The following LRP1B variants were observed in gnomAD, a reference collection of about 807,000 sequenced individuals.
The protein encoded by LRP1B is low-density lipoprotein receptor-related protein 1B.
LRP1B carries 217 observed loss-of-function variants against 556.6 expected under a neutral mutation model. That is an observed-to-expected ratio of 0.39 (90% CI 0.35 to 0.44). LRP1B has a LOEUF of 0.44. Ranked by LOEUF, LRP1B falls within the 20% of genes least tolerant of loss-of-function variation. The pLI is 1.00. For synonymous variants in LRP1B, 2,047 were observed against 1,865.8 expected, an observed-to-expected ratio of 1.10 and a Z score of -2.50; for missense variants, 5,053 against 5,620.8, an observed-to-expected ratio of 0.90 and a Z score of 3.23.
At chr2:140,829,351 G>T (rs918738948) in intron 31 of LRP1B, among the ~76,000 whole-genome samples, 8 of 152,136 alleles carry the variant, frequency 5.3e-5, no homozygotes, top group Non-Finnish European at 7.4e-5. Context: ...TCAGCACATG[G>T]AACATTTTCC....
intron 5 of LRP1B, among the ~76,000 whole-genome samples, chr2:141,230,773 C>A (rs986929718): frequency 6.6e-6 from 1 of 152,156 alleles, no homozygotes; most frequent in Non-Finnish European, 1.5e-5. Context: ...TTGCTCACCT[C>A]TTTTAGGTCA....
At chr2:141,777,895 T>C (rs1695130365) in intron 2 of LRP1B, among the ~76,000 whole-genome samples, 1 of 152,094 alleles carries the variant, frequency 6.6e-6, no homozygotes, top group African/African-American at 2.4e-5. Context: ...TATCCAAAAT[T>C]TCCAGTGAAC....
intron 3 of LRP1B, among the ~76,000 whole-genome samples, chr2:141,321,224 T>C (rs886591104): frequency 6.6e-6 from 1 of 152,126 alleles, no homozygotes; most frequent in African/African-American, 2.4e-5. Flanking sequence ...GTTACCCAAA[T>C]TGTTTCAGCA....
At chr2:142,000,068 A>G (rs566672648) in intron 1 of LRP1B, among the ~76,000 whole-genome samples, 1 of 151,180 alleles carries the variant, frequency 6.6e-6, no homozygotes, top group Non-Finnish European at 1.5e-5. Flanking sequence ...TCAAAGTATA[A>G]GATGATAACA....
chr2:140,313,758 GTAC>G (rs1684404291), intron 83 of LRP1B, among the ~76,000 whole-genome samples: 1 of 151,932 alleles, frequency 6.6e-6, no homozygotes. Flanking sequence ...AAAGGACACA[GTAC>G]TACAATTTTT....
chr2:141,551,066 T>A (rs1008445767), intron 2 of LRP1B, among the ~76,000 whole-genome samples: 10 of 152,160 alleles, frequency 6.6e-5, no homozygotes, highest in African/African-American at 2.4e-4. Context: ...TTTTAAAGCT[T>A]CTGTGCTAGA....
chr2:141,553,062 T>C (rs928784845), intron 2 of LRP1B, among the ~76,000 whole-genome samples: 1 of 151,900 alleles, frequency 6.6e-6, no homozygotes, highest in African/African-American at 2.4e-5. Context: ...TTTTCCTGTC[T>C]AGTGCTAGAT....
At chr2:141,124,517 T>C (rs992905469) in intron 7 of LRP1B, among the ~76,000 whole-genome samples, 2 of 152,212 alleles carry the variant, frequency 1.3e-5, no homozygotes, top group South Asian at 4.2e-4. Flanking sequence ...TTCTCCTTTT[T>C]CATTGTGCTA....
Position 140,725,025 on chromosome 2 carries a change from G to T in LRP1B, c.5759-8209C>A, listed in dbSNP as rs1687543151. Among the ~76,000 whole-genome samples the T allele has an allele frequency of 2.0e-5, 3 of 152,056 alleles. No individual in the cohort carries two copies. The South Asian group carries it at 6.2e-4, about 32-fold the overall frequency. On this transcript the variant is annotated intron_variant, in intron 35 of 90. Coordinates refer to ENST00000389484, the MANE Select transcript of LRP1B (RefSeq NM_018557.3). ...AATTTTTGCCACATTTACAAAAACT[G>T]CCTTAAGGCCATGTAATGTATTAAT...
At chr2:141,955,797 C>G (rs989357582) in intron 1 of LRP1B, among the ~76,000 whole-genome samples, 1 of 152,102 alleles carries the variant, frequency 6.6e-6, no homozygotes, top group Non-Finnish European at 1.5e-5. Context: ...TCTGCATTTT[C>G]CAGTCTAGAG....
At chr2:140,258,121 C>T (rs1283300513) in intron 86 of LRP1B, among the ~76,000 whole-genome samples, 2 of 152,086 alleles carry the variant, frequency 1.3e-5, no homozygotes, top group Non-Finnish European at 2.9e-5. Context: ...AAGGCTTCTC[C>T]AATACCTGTG....
At chr2:141,958,479 G>A (rs1701322449) in intron 1 of LRP1B, among the ~76,000 whole-genome samples, 1 of 151,708 alleles carries the variant, frequency 6.6e-6, no homozygotes, top group South Asian at 2.1e-4. Context: ...TCTCTTAAAG[G>A]GATTGTTTAA....
chr2:141,584,678 A>G (rs1310426448), intron 2 of LRP1B, among the ~76,000 whole-genome samples: 1 of 152,190 alleles, frequency 6.6e-6, no homozygotes, highest in Non-Finnish European at 1.5e-5. Flanking sequence ...GTGATTAACA[A>G]CATTTAAGTC....
At chr2:140,974,762 A>C (rs1696541048) in intron 18 of LRP1B, among the ~76,000 whole-genome samples, 1 of 152,216 alleles carries the variant, frequency 6.6e-6, no homozygotes, top group Non-Finnish European at 1.5e-5. Flanking sequence ...CGTTCTACAG[A>C]GAGAAACCGA....
At chr2:140,604,722 C>T (rs1299196825) in intron 41 of LRP1B, among the ~76,000 whole-genome samples, 1 of 152,088 alleles carries the variant, frequency 6.6e-6, no homozygotes, top group African/African-American at 2.4e-5. Flanking sequence ...GGTCCTCACC[C>T]AAATCTCATC....
chr2:142,114,187 T>C (rs773629164), intron 1 of LRP1B, among the ~76,000 whole-genome samples: 5 of 152,150 alleles, frequency 3.3e-5, no homozygotes, highest in Non-Finnish European at 7.4e-5. Flanking sequence ...TAAGTCAACA[T>C]ACCTAACACA....
chr2:141,963,002 A>ATCTAAAATAAG (rs947506099), intron 1 of LRP1B, among the ~76,000 whole-genome samples: 16 of 151,926 alleles, frequency 1.1e-4, no homozygotes, highest in African/African-American at 3.9e-4. Context: ...ACTTTTTTTA[A>ATCTAAAATAAG]TCTAAAATAA....
At chr2:142,053,258 T>G (rs1220415049) in intron 1 of LRP1B, among the ~76,000 whole-genome samples, 1 of 152,194 alleles carries the variant, frequency 6.6e-6, no homozygotes, top group African/African-American at 2.4e-5. Flanking sequence ...TCAACGTTAC[T>G]ATAGCAATTT....
In LRP1B at chr2:140,285,028, A is replaced by G. The variant is rs1322303896; in HGVS notation, c.12968-10430T>C. On this transcript the variant is annotated intron_variant, in intron 84 of 90. Coordinates refer to ENST00000389484, the MANE Select transcript of LRP1B (RefSeq NM_018557.3). Reference sequence around the variant, plus strand: ...GATATCTCTCTGTGTGTGTGTGTGTATATATATATATATATGGATATCTAT... The same window carrying G: ...GATATCTCTCTGTGTGTGTGTGTGTGTATATATATATATATGGATATCTAT... Among the ~76,000 whole-genome samples, 466 of 113,808 alleles carry G rather than the reference A, an allele frequency of 4.1e-3. 2 individuals are homozygous for G. The highest frequency in any genetic ancestry group is 7.5e-3 in the African/African-American group (260 of 34,874). The allele number at this position is 113,808 out of a possible 152,430, so 74.7% of individuals were successfully genotyped here.
Sources: allele counts gnomAD v4.1 joint callset (sites outside exome capture counted in the v4.1 genomes callset), GRCh38; gene constraint gnomAD v4.1.1; transcripts MANE v1.5; gene names NCBI Gene and HGNC (gene_info 2026-07-23, HGNC 2026-07-21).